Variants in MAP4K4 observed in about 807,000 individuals in gnomAD.
MAP4K4 encodes HPK/GCK-like kinase HGK.
Under a neutral mutation model 189.6 loss-of-function variants are expected in MAP4K4, and 38 were observed. That is an observed-to-expected ratio of 0.20 (90% CI 0.15 to 0.26). The LOEUF (loss-of-function observed/expected upper bound fraction) is 0.26, where lower values mean the gene tolerates loss of function less well. Among genes scored for constraint, MAP4K4 ranks in the 10% least tolerant of loss-of-function variants. The probability of loss-of-function intolerance (pLI) is 1.00; values close to 1 mark genes in which losing one functional copy is unlikely to be tolerated. For missense variants in MAP4K4, 1,054 were observed against 1,726.9 expected (o/e 0.61, Z 6.91); for synonymous variants, 610 against 624.3 (o/e 0.98, Z 0.34).
At chr2:101,876,863 A>C in intron 26 of MAP4K4, 140 bp from the exon 27 acceptor site, 2 of 744,646 alleles carry the variant, frequency 2.7e-6, no homozygotes, top group Non-Finnish European at 4.4e-6. Flanking sequence ...TTAACCTTTG[A>C]CTATTTTAAG....
chr2:101,764,477 A>G (rs1404212357), intron 2 of MAP4K4, among the ~76,000 whole-genome samples: 3 of 152,242 alleles, frequency 2.0e-5, no homozygotes, highest in African/African-American at 7.2e-5. Flanking sequence ...AGGTTGATTT[A>G]TGATGATCCA....
At chr2:101,808,607 C>T (rs1483535925) in intron 3 of MAP4K4, among the ~76,000 whole-genome samples, 7 of 146,006 alleles carry the variant, frequency 4.8e-5, no homozygotes, top group Non-Finnish European at 8.9e-5. Context: ...AATTACAGCT[C>T]AGTGAAGCTG....
intron 3 of MAP4K4, among the ~76,000 whole-genome samples, chr2:101,798,837 T>A (rs531347073): frequency 5.2e-4 from 79 of 152,368 alleles, no homozygotes; most frequent in Non-Finnish European, 1.0e-3. Flanking sequence ...ATATTTATAA[T>A]TTTCCATGTC....
chr2:101,729,128 G>GTGTGTGTGTGTGTGTGTGTGTT (rs1417241391), intron 2 of MAP4K4, among the ~76,000 whole-genome samples: 2 of 151,940 alleles, frequency 1.3e-5, no homozygotes, highest in African/African-American at 2.4e-5. Flanking sequence ...GTGTGTGTGT[G>GTGTGTGTGTGTGTGTGTGTGTT]TGTCCTGTTC....
chr2:101,799,421 T>C (rs2094144192), intron 3 of MAP4K4, among the ~76,000 whole-genome samples: 1 of 152,076 alleles, frequency 6.6e-6, no homozygotes, highest in Admixed American at 6.6e-5. Flanking sequence ...AATGATCCAC[T>C]CTCCACCTGC....
exon 32 of MAP4K4, chr2:101,888,823 G>C: frequency 6.2e-7 from 1 of 1,612,984 alleles, no homozygotes; most frequent in Non-Finnish European, 8.5e-7. Context: ...CAGACAATGG[G>C]CTGGGGAGAG....
intron 6 of MAP4K4, among the ~76,000 whole-genome samples, chr2:101,831,027 G>A (rs901376163): frequency 2.0e-5 from 3 of 152,146 alleles, no homozygotes; most frequent in African/African-American, 4.8e-5. Context: ...GGTTCCTGCT[G>A]GGTTAATGGC....
chr2:101,840,363 T>C (rs1243629620), intron 10 of MAP4K4, among the ~76,000 whole-genome samples: 1 of 152,200 alleles, frequency 6.6e-6, no homozygotes, highest in Non-Finnish European at 1.5e-5. Context: ...TTCTGTATAA[T>C]TCTCCTGCCC....
intron 2 of MAP4K4, among the ~76,000 whole-genome samples, chr2:101,717,578 G>T (rs2049106042): frequency 6.6e-6 from 1 of 152,156 alleles, no homozygotes; most frequent in Non-Finnish European, 1.5e-5. Context: ...GTCATTAGAG[G>T]AAACGGCCTG....
chr2:101,878,769 A>G (rs1236579837), intron 27 of MAP4K4, among the ~76,000 whole-genome samples: 1 of 152,198 alleles, frequency 6.6e-6, no homozygotes, highest in Non-Finnish European at 1.5e-5. Context: ...ATAATCACTT[A>G]TGATACCACC....
At chr2:101,877,034 C>T (rs756061332) in exon 27 of MAP4K4, 8 of 1,613,824 alleles carry the variant, frequency 5.0e-6, no homozygotes, top group Non-Finnish European at 6.8e-6. Context: ...CAGAGAGTGG[C>T]CTGATGCTGC....
At chr2:101,829,368 C>T (rs1231515027) in intron 5 of MAP4K4, 136 bp from the exon 6 acceptor site, 8 of 607,854 alleles carry the variant, frequency 1.3e-5, no homozygotes, top group Non-Finnish European at 2.1e-5. Context: ...CCTGGGAATG[C>T]ACTAAGACGA....
At chr2:101,757,448 A>T (rs2073468103) in intron 2 of MAP4K4, among the ~76,000 whole-genome samples, 1 of 152,236 alleles carries the variant, frequency 6.6e-6, no homozygotes. Context: ...GTAGCTCACA[A>T]ATGGTAGAAG....
intron 12 of MAP4K4, among the ~76,000 whole-genome samples, chr2:101,853,592 G>A (rs1340614701): frequency 1.3e-5 from 2 of 152,060 alleles, no homozygotes; most frequent in Non-Finnish European, 2.9e-5. Context: ...AGAACATACA[G>A]GAATAATTTA....
intron 3 of MAP4K4, among the ~76,000 whole-genome samples, chr2:101,817,703 A>G (rs1290235684): frequency 6.6e-6 from 1 of 152,248 alleles, no homozygotes; most frequent in African/African-American, 2.4e-5. Context: ...GGGCGGGTCC[A>G]GGGCTTCAGG....
At chr2:101,758,209 C>CAT (rs1430335953) in intron 2 of MAP4K4, among the ~76,000 whole-genome samples, 2 of 152,122 alleles carry the variant, frequency 1.3e-5, no homozygotes, top group Non-Finnish European at 2.9e-5. Context: ...TAGTAATGAA[C>CAT]ATAGTCACAG....
chr2:101,701,809 A>G (rs2038951873), intron 2 of MAP4K4, among the ~76,000 whole-genome samples: 1 of 152,226 alleles, frequency 6.6e-6, no homozygotes, highest in Non-Finnish European at 1.5e-5. Flanking sequence ...GGAGAATGAT[A>G]GTGTGAAAAA....
intron 11 of MAP4K4, 113 bp downstream of exon 11, chr2:101,842,794 C>T (rs1296214452): frequency 1.5e-6 from 1 of 671,188 alleles, no homozygotes; most frequent in African/African-American, 1.8e-5. Context: ...ATTACTTAGA[C>T]AGCATCTTAC....
At chr2:101,824,735 C>T (rs1181174345) in intron 4 of MAP4K4, among the ~76,000 whole-genome samples, 1 of 152,146 alleles carries the variant, frequency 6.6e-6, no homozygotes, top group African/African-American at 2.4e-5. Flanking sequence ...TTGCCCAAGT[C>T]AGATCATAGT....
Sources: allele counts gnomAD v4.1 joint callset (sites outside exome capture counted in the v4.1 genomes callset), GRCh38; gene constraint gnomAD v4.1.1; transcripts MANE v1.5; gene names NCBI Gene and HGNC (gene_info 2026-07-23, HGNC 2026-07-21).